Variants in NRXN3 observed in about 807,000 individuals in gnomAD.
NRXN3 encodes the protein neurexin III.
Under a neutral mutation model 137.6 loss-of-function variants are expected in NRXN3, and 32 were observed. The ratio of observed to expected loss-of-function variants is 0.23; its 90% CI spans 0.18 to 0.31. The LOEUF (loss-of-function observed/expected upper bound fraction) is 0.31, where lower values mean the gene tolerates loss of function less well. Among genes scored for constraint, NRXN3 ranks in the 10% least tolerant of loss-of-function variants. NRXN3 has a pLI of 1.00. For missense variants in NRXN3, 1,574 were observed against 2,062.5 expected (o/e 0.76, Z 4.59); for synonymous variants, 798 against 784.5 (o/e 1.02, Z -0.29).
At chr14:78,924,560 C>A (rs1346299993) in intron 10 of NRXN3, among the ~76,000 whole-genome samples, 2 of 152,228 alleles carry the variant, frequency 1.3e-5, no homozygotes, top group African/African-American at 4.8e-5. Context: ...AACATTATTT[C>A]TATTCTGAAC....
At chr14:78,211,285 C>A (rs187106363) in intron 1 of NRXN3, among the ~76,000 whole-genome samples, 1 of 152,172 alleles carries the variant, frequency 6.6e-6, no homozygotes, top group African/African-American at 2.4e-5. Flanking sequence ...CTCTTTTGGG[C>A]TAGGCTCTTG....
intron 15 of NRXN3, among the ~76,000 whole-genome samples, chr14:79,347,812 A>C (rs1452340439): frequency 2.0e-5 from 3 of 152,216 alleles, no homozygotes; most frequent in Non-Finnish European, 4.4e-5. Context: ...CACACTAAAA[A>C]TATGACATCT....
At chr14:78,623,223 A>G (rs1171178237) in intron 4 of NRXN3, among the ~76,000 whole-genome samples, 1 of 152,180 alleles carries the variant, frequency 6.6e-6, no homozygotes, top group Non-Finnish European at 1.5e-5. Flanking sequence ...AGGCTACAGA[A>G]CTCAGATTTC....
intron 1 of NRXN3, among the ~76,000 whole-genome samples, chr14:78,224,624 CA>C (rs2064271146): frequency 6.6e-6 from 1 of 152,044 alleles, no homozygotes; most frequent in Admixed American, 6.6e-5. Context: ...TTTATGGCTG[CA>C]TAGTATTCCA....
intron 15 of NRXN3, among the ~76,000 whole-genome samples, chr14:79,024,808 A>G (rs1178782350): frequency 2.0e-5 from 3 of 152,292 alleles, no homozygotes; most frequent in Non-Finnish European, 2.9e-5. Context: ...GCTCCTACAC[A>G]CAAGGTACCT....
chr14:79,530,183 A>G (rs1475875129), intron 16 of NRXN3, among the ~76,000 whole-genome samples: 2 of 152,120 alleles, frequency 1.3e-5, no homozygotes, highest in Non-Finnish European at 2.9e-5. Flanking sequence ...ACATTTGCCC[A>G]GAGTCCCCAC....
intron 10 of NRXN3, among the ~76,000 whole-genome samples, chr14:78,879,111 G>A (rs868641260): frequency 6.6e-6 from 1 of 151,996 alleles, no homozygotes; most frequent in African/African-American, 2.4e-5. Context: ...TTTATGTGTC[G>A]ATGAACACTT....
chr14:78,742,085 C>T (rs1285326750), intron 8 of NRXN3, among the ~76,000 whole-genome samples: 5 of 152,146 alleles, frequency 3.3e-5, no homozygotes, highest in Admixed American at 2.6e-4. Context: ...ATTGTTTCCT[C>T]GCATTACTCT....
intron 4 of NRXN3, among the ~76,000 whole-genome samples, chr14:78,538,417 C>G (rs1334886179): frequency 6.6e-6 from 1 of 152,142 alleles, no homozygotes; most frequent in Admixed American, 6.5e-5. Context: ...CTCAGTTTGT[C>G]TGTTAATGGT....
rs2097675371 is a variant in NRXN3, at chr14:78,645,269, G to T, written c.907G>T (p.Ala303Ser). The change falls in exon 5 of 21, where the codon GCT (alanine) becomes TCT (serine). Residue 303 changes from alanine (A) to serine (S), a missense_variant. This residue lies in a region of NRXN3 where 400 missense variants were observed against 527.3 expected (regional missense o/e 0.76). Coordinates refer to ENST00000335750, the MANE Select transcript of NRXN3 (RefSeq NM_001330195.2). ...NGLILHTGKS[A>S]DYVNLALKDG... ...CCTCATCCTGCACACGGGCAAGTCGGCTGACTATGTCAACCTGGCTCTGAA... is the reference window on the plus strand; with the variant it reads ...CCTCATCCTGCACACGGGCAAGTCGTCTGACTATGTCAACCTGGCTCTGAA... 6 of 1,598,860 alleles carry T rather than the reference G, an allele frequency of 3.8e-6. No homozygotes were observed. Among genetic ancestry groups the T allele is most frequent in the East Asian group, 2.2e-5 (1 of 44,874 alleles).
chr14:79,125,762 G>A lies in NRXN3; in HGVS notation c.3262+137621G>A, dbSNP rs759721676. Among the ~76,000 whole-genome samples, 10 of 152,040 alleles carry A rather than the reference G, an allele frequency of 6.6e-5. No individual in the cohort carries two copies. The South Asian group carries it at 1.5e-3, about 22-fold the overall frequency. ...TGATGTCAGTCTTCTGGTTGACCAA[G>A]TAAACGTATTTTTTCATTTCCTCTT... is the stretch of plus-strand genomic sequence containing the variant. On this transcript the variant is annotated intron_variant, in intron 15 of 20. Transcript: ENST00000335750.
At chr14:79,081,249 A>G (rs2046935649) in intron 15 of NRXN3, among the ~76,000 whole-genome samples, 1 of 152,208 alleles carries the variant, frequency 6.6e-6, no homozygotes, top group Non-Finnish European at 1.5e-5. Flanking sequence ...CAAGTGGTTA[A>G]CATTTATTCC....
chr14:78,422,069 C>T (rs1289507777), intron 4 of NRXN3, among the ~76,000 whole-genome samples: 5 of 152,162 alleles, frequency 3.3e-5, no homozygotes, highest in African/African-American at 1.2e-4. Flanking sequence ...CCATGCCTTC[C>T]TCACAGGTCC....
intron 16 of NRXN3, among the ~76,000 whole-genome samples, chr14:79,623,859 T>A (rs1288798032): frequency 6.6e-6 from 1 of 151,342 alleles, no homozygotes; most frequent in Non-Finnish European, 1.5e-5. Context: ...GTTTTTTTTT[T>A]TTTTTTTTTT....
chr14:79,861,979 C>G lies in NRXN3; in HGVS notation c.*15C>G. ...ATTACGTGTAAACATGCGAACACTGCTCACACGCGAGTTTTCACAGTTATT... is the reference window on the plus strand; with the variant it reads ...ATTACGTGTAAACATGCGAACACTGGTCACACGCGAGTTTTCACAGTTATT... On this transcript the variant is annotated 3_prime_UTR_variant, in exon 21 of 21. Transcript: ENST00000335750. The surrounding 1 kb of genome is among the most constrained non-coding windows in gnomAD (Gnocchi z 5.4). 2 of 1,583,458 alleles carry G rather than the reference C, an allele frequency of 1.3e-6. No homozygotes were observed. Among genetic ancestry groups the G allele is most frequent in the Non-Finnish European group, 8.6e-7 (1 of 1,160,006 alleles).
intron 17 of NRXN3, among the ~76,000 whole-genome samples, chr14:79,688,963 G>A (rs1036332360): frequency 9.2e-5 from 14 of 151,960 alleles, no homozygotes; most frequent in East Asian, 1.9e-4. Flanking sequence ...TATAGGTGTC[G>A]GATCCACAGA....
At chr14:79,414,123 G>A (rs974705500) in intron 15 of NRXN3, among the ~76,000 whole-genome samples, 10 of 152,132 alleles carry the variant, frequency 6.6e-5, no homozygotes, top group East Asian at 1.9e-4. Flanking sequence ...GAGTGGGGGC[G>A]GCAGGGGGTC....
intron 16 of NRXN3, among the ~76,000 whole-genome samples, chr14:79,542,711 T>C (rs747601471): frequency 3.3e-5 from 5 of 152,094 alleles, no homozygotes; most frequent in East Asian, 1.9e-4. Flanking sequence ...TTCTCTTTAA[T>C]GAAAAACAAA....
chr14:78,238,660 A>G (rs1201180124), intron 1 of NRXN3, among the ~76,000 whole-genome samples: 1 of 152,262 alleles, frequency 6.6e-6, no homozygotes, highest in Non-Finnish European at 1.5e-5. Flanking sequence ...GATAGACCAT[A>G]GAGGGTTAAG....
Sources: gnomAD v4.1 joint callset for allele counts (sites outside exome capture counted in the v4.1 genomes callset) on GRCh38, gnomAD v4.1.1 for gene constraint, gnomAD v4.1.1 regional missense constraint, Gnocchi (gnomAD v3.1) non-coding constraint, MANE v1.5 for transcripts, NCBI Gene and HGNC (gene_info 2026-07-23, HGNC 2026-07-21) for gene names.